CPQ: variants seen among roughly 807,000 people sequenced by gnomAD.
CPQ encodes carboxypeptidase Q, also known as Ser-Met dipeptidase.
CPQ carries 37 observed loss-of-function variants against 45.7 expected under a neutral mutation model. The observed-to-expected ratio is 0.81, with a 90% CI of 0.62 to 1.07. The LOEUF (loss-of-function observed/expected upper bound fraction) is 1.07, where lower values mean the gene tolerates loss of function less well. Among genes scored for constraint, CPQ ranks in the 50% least tolerant of loss-of-function variants. The pLI is 0.00. For synonymous variants in CPQ, 186 were observed against 205.8 expected (o/e 0.90, Z 0.82); for missense variants, 537 against 572.9 (o/e 0.94, Z 0.64).
chr8:96,880,576 T>TATACATAC lies in CPQ; in HGVS notation c.849+572_849+573insTACATACA, dbSNP rs1359946797. ...ATATATATATATATATATATATATA[T>TATACATAC]ACCATGGAATACTACCCAGCCATAG... is the stretch of plus-strand genomic sequence containing the variant. On this transcript the variant is annotated intron_variant, in intron 4 of 7. Coordinates refer to ENST00000220763, the MANE Select transcript of CPQ (RefSeq NM_016134.4). 3.0e-4 allele frequency among the ~76,000 whole-genome samples: 25 copies of TATACATAC among 83,186 alleles called. 2 individuals carry two copies. Among genetic ancestry groups the TATACATAC allele is most frequent in the Non-Finnish European group, 4.7e-4 (19 of 40,566 alleles). 54.6% of individuals were successfully genotyped at this position (83,186 alleles called of 152,430 possible).
chr8:96,767,485 C>G (rs1586392336), intron 1 of CPQ, among the ~76,000 whole-genome samples: 1 of 67,864 alleles, frequency 1.5e-5, no homozygotes, highest in Non-Finnish European at 2.7e-5. Context: ...CACTTGGGCT[C>G]CAAGTATCTT....
chr8:96,948,177 C>T (rs1416230128), intron 4 of CPQ, among the ~76,000 whole-genome samples: 1 of 152,046 alleles, frequency 6.6e-6, no homozygotes, highest in Admixed American at 6.6e-5. Flanking sequence ...TTCTTTCTAC[C>T]AGATCTCTCT....
chr8:97,087,409 G>GC (rs1458151775), intron 7 of CPQ, among the ~76,000 whole-genome samples: 1 of 152,048 alleles, frequency 6.6e-6, no homozygotes, highest in African/African-American at 2.4e-5. Flanking sequence ...CCGACTTGGG[G>GC]GGTCAAGGGC....
intron 6 of CPQ, among the ~76,000 whole-genome samples, chr8:97,061,268 TGTTTTC>T (rs111402776): frequency 0.019 from 2,898 of 152,318 alleles, 98 homozygotes; most frequent in African/African-American, 0.067. Context: ...TTTTTGTTTT[TGTTTTC>T]ATTTCTTTCT....
At chr8:96,936,307 A>T (rs1251350355) in intron 4 of CPQ, among the ~76,000 whole-genome samples, 4 of 152,142 alleles carry the variant, frequency 2.6e-5, no homozygotes, top group African/African-American at 9.7e-5. Flanking sequence ...ATCTTTTAGA[A>T]ATTGTTTTCA....
chr8:97,073,005 A>G (rs1214212394), intron 7 of CPQ, among the ~76,000 whole-genome samples: 1 of 152,234 alleles, frequency 6.6e-6, no homozygotes, highest in African/African-American at 2.4e-5. Flanking sequence ...TTTATTAACT[A>G]TAATGCAAGA....
intron 4 of CPQ, among the ~76,000 whole-genome samples, chr8:96,896,996 A>G (rs1812450654): frequency 6.6e-6 from 1 of 152,180 alleles, no homozygotes; most frequent in Non-Finnish European, 1.5e-5. Context: ...TGGAATCCCC[A>G]TCTTCTGATT....
At chr8:96,766,285 C>G (rs745836304) in intron 1 of CPQ, among the ~76,000 whole-genome samples, 7 of 152,114 alleles carry the variant, frequency 4.6e-5, no homozygotes. Flanking sequence ...AGTGTGACTT[C>G]CGGAGCACAC....
intron 4 of CPQ, among the ~76,000 whole-genome samples, chr8:96,908,132 G>GTC (rs1254845515): frequency 6.7e-6 from 1 of 149,300 alleles, no homozygotes; most frequent in African/African-American, 2.5e-5. Flanking sequence ...GTGTGTGTGT[G>GTC]TGTGTGTGTG....
intron 5 of CPQ, among the ~76,000 whole-genome samples, chr8:96,984,727 T>C (rs572950081): frequency 1.3e-4 from 20 of 152,326 alleles, no homozygotes; most frequent in Middle Eastern, 3.4e-3. Context: ...GCAAGTTTTT[T>C]AGATGTGTGA....
At chr8:96,892,327 T>C (rs1812388193) in intron 4 of CPQ, among the ~76,000 whole-genome samples, 1 of 152,232 alleles carries the variant, frequency 6.6e-6, no homozygotes, top group African/African-American at 2.4e-5. Flanking sequence ...GTTTTGCCTT[T>C]CATCTTAATA....
At chr8:96,670,320 TTTTTTTTTTTTTTTTTTG>T (rs1808985491) in intron 1 of CPQ, among the ~76,000 whole-genome samples, 1 of 150,102 alleles carries the variant, frequency 6.7e-6, no homozygotes, top group Non-Finnish European at 1.5e-5. Context: ...ATTTTTTTTT[TTTTTTTTTTTTTTTTTTG>T]GCTGTACTGC....
chr8:97,095,833 G>A (rs924914525), intron 7 of CPQ, among the ~76,000 whole-genome samples: 1 of 151,774 alleles, frequency 6.6e-6, no homozygotes, highest in African/African-American at 2.4e-5. Context: ...AGTATCTAAG[G>A]CTGTTTGGTA....
chr8:96,703,119 C>T (rs1809489667), intron 1 of CPQ, among the ~76,000 whole-genome samples: 1 of 152,154 alleles, frequency 6.6e-6, no homozygotes, highest in South Asian at 2.1e-4. Context: ...TGACCAGAGG[C>T]TCACAAGAAC....
chr8:97,076,294 G>C (rs1810845702), intron 7 of CPQ, among the ~76,000 whole-genome samples: 1 of 152,098 alleles, frequency 6.6e-6, no homozygotes, highest in South Asian at 2.1e-4. Context: ...AAAGTGCTGG[G>C]ATTACAGTCA....
At chr8:96,918,642 A>G (rs181387033) in intron 4 of CPQ, among the ~76,000 whole-genome samples, 170 of 152,192 alleles carry the variant, frequency 1.1e-3, no homozygotes, top group African/African-American at 3.9e-3. Context: ...GAAGGAGACT[A>G]GGTGGGTGGG....
intron 6 of CPQ, among the ~76,000 whole-genome samples, chr8:97,053,913 G>A (rs891910399): frequency 1.3e-5 from 2 of 152,132 alleles, no homozygotes; most frequent in Non-Finnish European, 2.9e-5. Context: ...AGAATCTGAT[G>A]GTGGATTGCA....
At chr8:97,065,753 G>C (rs1810625111) in intron 6 of CPQ, among the ~76,000 whole-genome samples, 1 of 152,022 alleles carries the variant, frequency 6.6e-6, no homozygotes, top group Non-Finnish European at 1.5e-5. Flanking sequence ...TTTAATATGG[G>C]GCTTTATATT....
intron 1 of CPQ, among the ~76,000 whole-genome samples, chr8:96,685,871 T>C (rs943507269): frequency 3.3e-5 from 5 of 152,124 alleles, no homozygotes; most frequent in African/African-American, 1.2e-4. Context: ...CCCTCACTTT[T>C]CCATTTGTTT....
Sources: gnomAD v4.1 joint callset for allele counts (sites outside exome capture counted in the v4.1 genomes callset) on GRCh38, gnomAD v4.1.1 for gene constraint, MANE v1.5 for transcripts, NCBI Gene and HGNC (gene_info 2026-07-23, HGNC 2026-07-21) for gene names.